The following CEP128 variants were observed in gnomAD, a reference collection of about 807,000 sequenced individuals.
CEP128 encodes the protein centrosomal protein 128.
Under a neutral mutation model 156.7 loss-of-function variants are expected in CEP128, and 132 were observed. The ratio of observed to expected loss-of-function variants is 0.84; its 90% CI spans 0.73 to 0.97. CEP128 has a LOEUF of 0.97. CEP128 is among the 50% of genes least tolerant of loss of function. The probability of loss-of-function intolerance (pLI) is 0.00; values close to 1 mark genes in which losing one functional copy is unlikely to be tolerated. For missense variants in CEP128, 1,252 were observed against 1,281.9 expected (o/e 0.98, Z 0.36); for synonymous variants, 469 against 448.9 (o/e 1.04, Z -0.57).
intron 17 of CEP128, among the ~76,000 whole-genome samples, chr14:80,757,608 CA>C (rs2139667909): frequency 6.6e-6 from 1 of 152,272 alleles, no homozygotes; most frequent in East Asian, 1.9e-4. Context: ...ATTGTAAATA[CA>C]AAAGTTTTTT....
intron 19 of CEP128, among the ~76,000 whole-genome samples, chr14:80,704,378 GTTAT>G (rs2139376730): frequency 6.6e-6 from 1 of 152,036 alleles, no homozygotes; most frequent in African/African-American, 2.4e-5. Context: ...GAAGGATTTA[GTTAT>G]TTTTTTAAAA....
intron 20 of CEP128, among the ~76,000 whole-genome samples, chr14:80,577,242 T>A (rs1238856676): frequency 1.3e-5 from 2 of 152,278 alleles, no homozygotes; most frequent in Non-Finnish European, 2.9e-5. Flanking sequence ...GGAATTCACA[T>A]TCGCTATATG....
chr14:80,714,087 A>C (rs2139425271), intron 19 of CEP128, among the ~76,000 whole-genome samples: 1 of 152,330 alleles, frequency 6.6e-6, no homozygotes, highest in South Asian at 2.1e-4. Context: ...TCTACTTGGA[A>C]GAATATACTG....
At chr14:80,924,271 T>C (rs1218616127) in intron 2 of CEP128, among the ~76,000 whole-genome samples, 4 of 152,244 alleles carry the variant, frequency 2.6e-5, no homozygotes, top group Non-Finnish European at 4.4e-5. Context: ...AGTGCTCTTC[T>C]GTAACTTCAT....
At chr14:80,532,006 C>T (rs1033194453) in intron 21 of CEP128, among the ~76,000 whole-genome samples, 11 of 152,212 alleles carry the variant, frequency 7.2e-5, no homozygotes, top group South Asian at 2.1e-4. Context: ...TTGGATTTCA[C>T]GTGAGTCACA....
intron 2 of CEP128, among the ~76,000 whole-genome samples, chr14:80,929,732 G>C (rs1222918014): frequency 6.6e-6 from 1 of 151,970 alleles, no homozygotes; most frequent in Non-Finnish European, 1.5e-5. Flanking sequence ...AGTGTGAGAG[G>C]GGGTTGAGGG....
downstream of CEP128, among the ~76,000 whole-genome samples, chr14:80,491,491 C>T (rs1887324299): frequency 6.6e-6 from 1 of 152,172 alleles, no homozygotes. Context: ...GATGGCTTTG[C>T]TACCCATCAC....
intron 9 of CEP128, among the ~76,000 whole-genome samples, chr14:80,850,360 C>T (rs899476741): frequency 6.6e-6 from 1 of 152,074 alleles, no homozygotes; most frequent in Non-Finnish European, 1.5e-5. Flanking sequence ...TAAATTTGGC[C>T]AACTTTAATA....
chr14:80,898,630 T>C (rs1889455664), intron 7 of CEP128, among the ~76,000 whole-genome samples: 1 of 152,194 alleles, frequency 6.6e-6, no homozygotes, highest in African/African-American at 2.4e-5. Context: ...TCCCAGTGCT[T>C]AATGTATACC....
At chr14:80,938,749 T>A (rs1885981437) in intron 2 of CEP128, among the ~76,000 whole-genome samples, 1 of 152,196 alleles carries the variant, frequency 6.6e-6, no homozygotes. Flanking sequence ...ATTATAATGA[T>A]CTCTTACCTC....
chr14:80,587,604 C>G (rs1185175836), intron 19 of CEP128, among the ~76,000 whole-genome samples: 2 of 152,130 alleles, frequency 1.3e-5, no homozygotes, highest in Non-Finnish European at 2.9e-5. Context: ...ATGCTTGAGT[C>G]TGGCACTGAG....
intron 16 of CEP128, among the ~76,000 whole-genome samples, chr14:80,764,416 G>A (rs939370184): frequency 4.2e-4 from 64 of 151,788 alleles, no homozygotes; most frequent in Non-Finnish European, 8.2e-4. Context: ...GGAGAATGGC[G>A]TGAACCCGGG....
chr14:80,826,105 CAAAAAAAA>C (rs397700906), intron 13 of CEP128, among the ~76,000 whole-genome samples: 1 of 70,488 alleles, frequency 1.4e-5, no homozygotes, highest in Non-Finnish European at 3.0e-5. Context: ...GATTCTGTCT[CAAAAAAAA>C]AAAAAAAAAA....
chr14:80,704,148 T>C (rs2139375590), intron 19 of CEP128, among the ~76,000 whole-genome samples: 1 of 152,156 alleles, frequency 6.6e-6, no homozygotes, highest in East Asian at 1.9e-4. Flanking sequence ...CAATTAAATT[T>C]AGAATGAAAG....
At chr14:80,611,358 T>C (rs1892987367) in intron 19 of CEP128, among the ~76,000 whole-genome samples, 1 of 150,612 alleles carries the variant, frequency 6.6e-6, no homozygotes. Flanking sequence ...TCTAAGGTCA[T>C]TTTGAGTTTG....
intron 2 of CEP128, among the ~76,000 whole-genome samples, chr14:80,920,384 T>G (rs1006532082): frequency 6.6e-6 from 1 of 152,184 alleles, no homozygotes; most frequent in African/African-American, 2.4e-5. Flanking sequence ...TACAGTAGAA[T>G]GCATGGAGGG....
intron 2 of CEP128, among the ~76,000 whole-genome samples, chr14:80,924,148 C>T (rs1885024738): frequency 6.6e-6 from 1 of 152,198 alleles, no homozygotes; most frequent in South Asian, 2.1e-4. Flanking sequence ...CTAAGAGTTT[C>T]AATAGCTGTA....
At chr14:80,836,885 A>C (rs1199876300) in intron 11 of CEP128, among the ~76,000 whole-genome samples, 3 of 152,250 alleles carry the variant, frequency 2.0e-5, no homozygotes, top group Admixed American at 2.0e-4. Context: ...AATGAACATT[A>C]AACAAGTTAA....
intron 21 of CEP128, among the ~76,000 whole-genome samples, chr14:80,540,151 T>C (rs1050016952): frequency 1.6e-4 from 24 of 151,890 alleles, no homozygotes; most frequent in Admixed American, 1.3e-3. Flanking sequence ...GTTCTGCTTT[T>C]TGCCCTTTGA....
Sources: allele counts gnomAD v4.1 joint callset (sites outside exome capture counted in the v4.1 genomes callset), GRCh38; gene constraint gnomAD v4.1.1; transcripts MANE v1.5; gene names NCBI Gene and HGNC (gene_info 2026-07-23, HGNC 2026-07-21).